UBR3: variants seen among roughly 807,000 people sequenced by gnomAD.
The protein encoded by UBR3 is ubiquitin protein ligase E3 component n-recognin 3.
Under a neutral mutation model 243.2 loss-of-function variants are expected in UBR3, and 85 were observed. The observed-to-expected ratio is 0.35, with a 90% CI of 0.29 to 0.42. The LOEUF is 0.42. UBR3 is among the 10% of genes least tolerant of loss of function. The pLI is 1.00. For missense variants in UBR3, 1,686 were observed against 2,300.8 expected (o/e 0.73, Z 5.47); for synonymous variants, 748 against 799.8 (o/e 0.94, Z 1.09).
intron 36 of UBR3, among the ~76,000 whole-genome samples, chr2:170,075,651 T>A (rs537639985): frequency 6.6e-6 from 1 of 152,294 alleles, no homozygotes; most frequent in South Asian, 2.1e-4. Flanking sequence ...TTCCCCCTTG[T>A]GTCCCTGCTC....
chr2:169,885,463 C>A (rs772272426), intron 5 of UBR3, among the ~76,000 whole-genome samples: 1 of 152,066 alleles, frequency 6.6e-6, no homozygotes, highest in Non-Finnish European at 1.5e-5. Context: ...TGCCTGTAAT[C>A]CTAGCTCCGG....
At chr2:169,985,194 G>A (rs1355303010) in intron 24 of UBR3, among the ~76,000 whole-genome samples, 1 of 147,848 alleles carries the variant, frequency 6.8e-6, no homozygotes, top group Non-Finnish European at 1.5e-5. Flanking sequence ...TTCTCCCTAA[G>A]ACCCAAAGTA....
intron 19 of UBR3, 54 bp from the exon 20 acceptor site, chr2:169,942,439 C>T: frequency 6.8e-7 from 1 of 1,477,604 alleles, no homozygotes; most frequent in Middle Eastern, 1.8e-4. Flanking sequence ...ACATTTAAAC[C>T]ACAGTTTGAT....
intron 23 of UBR3, among the ~76,000 whole-genome samples, chr2:169,950,295 A>C (rs540916509): frequency 3.3e-5 from 5 of 152,002 alleles, no homozygotes; most frequent in African/African-American, 1.2e-4. Context: ...ACTACCTTAA[A>C]CCTGTGTGTC....
intron 35 of UBR3, among the ~76,000 whole-genome samples, chr2:170,062,815 C>T (rs1010212249): frequency 2.0e-5 from 3 of 152,100 alleles, no homozygotes; most frequent in South Asian, 4.1e-4. Flanking sequence ...TTGAGCTGGG[C>T]GTTGAAAGTT....
At chr2:169,928,588 A>C (rs2085997983) in intron 17 of UBR3, 139 bp from the exon 18 acceptor site, 1 of 518,076 alleles carries the variant, frequency 1.9e-6, no homozygotes, top group South Asian at 5.8e-5. Context: ...TGTATTATAT[A>C]GCCCTCTTGT....
chr2:169,875,665 C>G (rs2083580158), intron 2 of UBR3, 126 bp from the exon 3 acceptor site: 2 of 976,408 alleles, frequency 2.0e-6, no homozygotes, highest in African/African-American at 3.4e-5. Context: ...CTTGTATTGA[C>G]TTTTTTGATT....
chr2:170,011,400 T>G (rs1161034386), intron 29 of UBR3, among the ~76,000 whole-genome samples: 1 of 152,132 alleles, frequency 6.6e-6, no homozygotes, highest in African/African-American at 2.4e-5. Flanking sequence ...AGCAATAAAC[T>G]TACTTTGAAT....
intron 25 of UBR3, among the ~76,000 whole-genome samples, chr2:169,993,031 G>A (rs1489279410): frequency 6.6e-6 from 1 of 152,150 alleles, no homozygotes; most frequent in Non-Finnish European, 1.5e-5. Context: ...AAAGTGCTGG[G>A]TTTACAGGCA....
chr2:169,861,183 C>G (rs1200351980), intron 1 of UBR3, among the ~76,000 whole-genome samples: 2 of 152,204 alleles, frequency 1.3e-5, no homozygotes, highest in Non-Finnish European at 2.9e-5. Context: ...ATGTTAATCT[C>G]CTTGGGCAAT....
chr2:169,929,357 C>T (rs1318053315), intron 18 of UBR3, among the ~76,000 whole-genome samples: 1 of 151,968 alleles, frequency 6.6e-6, no homozygotes, highest in African/African-American at 2.4e-5. Flanking sequence ...GCTGGATCAC[C>T]TGAGGTCAGG....
intron 33 of UBR3, among the ~76,000 whole-genome samples, chr2:170,056,003 C>CTT (rs34415442): frequency 0.017 from 1,480 of 88,562 alleles, no homozygotes; most frequent in East Asian, 0.02. Context: ...TCTTTTCTTT[C>CTT]TTTTTTTTTT....
chr2:169,935,052 A>G (rs905181741), intron 19 of UBR3, among the ~76,000 whole-genome samples: 3 of 152,232 alleles, frequency 2.0e-5, no homozygotes, highest in African/African-American at 7.2e-5. Flanking sequence ...AACAAAAACA[A>G]TACAACAACA....
chr2:169,996,693 G>GTTT (rs397871702), intron 26 of UBR3, among the ~76,000 whole-genome samples: 7,651 of 64,310 alleles, frequency 0.12, 447 homozygotes, highest in Non-Finnish European at 0.14. Flanking sequence ...TTGGACTTTT[G>GTTT]TTTTTTTTTT....
intron 11 of UBR3, among the ~76,000 whole-genome samples, chr2:169,916,772 A>G (rs2085480412): frequency 1.3e-5 from 2 of 151,470 alleles, no homozygotes; most frequent in South Asian, 4.2e-4. Context: ...CCTCACCCAG[A>G]TTGGCTCTGA....
chr2:170,079,903 A>G lies in UBR3; in HGVS notation c.5289A>G (p.Arg1763=). 1.9e-6 allele frequency: 3 copies of G among 1,614,096 alleles called. No homozygotes were observed. Among genetic ancestry groups the G allele is most frequent in the Non-Finnish European group, 2.5e-6 (3 of 1,179,966 alleles). Residue 1763 remains arginine (R), a synonymous_variant, in exon 37 of 39, where the codon AGA becomes AGG. Coordinates refer to ENST00000272793, the MANE Select transcript of UBR3 (RefSeq NM_172070.4). ...ACACCATTTTTCAGTACTACCACAG[A>G]AAAACCTGTAGTGTCTGCACCAAGG... ...NYNTIFQYYH[R]KTCSVCTKVP...
At chr2:169,975,095 G>A (rs956817056) in intron 24 of UBR3, among the ~76,000 whole-genome samples, 12 of 152,026 alleles carry the variant, frequency 7.9e-5, no homozygotes, top group East Asian at 7.7e-4. Context: ...GCTTGATCCC[G>A]GGAGGTGGAG....
intron 31 of UBR3, among the ~76,000 whole-genome samples, chr2:170,038,693 G>A (rs377216332): frequency 3.3e-5 from 5 of 152,070 alleles, no homozygotes; most frequent in African/African-American, 1.2e-4. Context: ...TATTCATTAT[G>A]CTTTTATTGG....
At chr2:169,880,282 A>G (rs965373512) in intron 5 of UBR3, among the ~76,000 whole-genome samples, 1 of 152,236 alleles carries the variant, frequency 6.6e-6, no homozygotes, top group African/African-American at 2.4e-5. Flanking sequence ...TAAAACAACA[A>G]AAATCTGTGG....
Sources: gnomAD v4.1 joint callset for allele counts (sites outside exome capture counted in the v4.1 genomes callset) on GRCh38, gnomAD v4.1.1 for gene constraint, MANE v1.5 for transcripts, NCBI Gene and HGNC (gene_info 2026-07-23, HGNC 2026-07-21) for gene names.